The following NEK9 variants were observed in gnomAD, a reference collection of about 807,000 sequenced individuals.
The protein encoded by NEK9 is NIMA related kinase 9.
A neutral mutation model predicts 123.4 loss-of-function variants in NEK9; 75 were observed. That is an observed-to-expected ratio of 0.61 (90% CI 0.50 to 0.74). The LOEUF is 0.74. Among genes scored for constraint, NEK9 ranks in the 30% least tolerant of loss-of-function variants. NEK9 has a pLI of 0.00. For missense variants in NEK9, 952 were observed against 1,214.4 expected (o/e 0.78, Z 3.21); for synonymous variants, 438 against 458.7 (o/e 0.95, Z 0.58).
intron 16 of NEK9, 36 bp downstream of exon 16, chr14:75,100,956 T>C (rs1594833208): frequency 6.3e-7 from 1 of 1,588,178 alleles, no homozygotes; most frequent in Non-Finnish European, 8.6e-7. Flanking sequence ...CACAGCCATG[T>C]GTCCAGAAAG....
chr14:75,095,301 A>C lies in NEK9; in HGVS notation c.2233+71T>G. On this transcript the variant is annotated intron_variant, in intron 18 of 21. Transcript: ENST00000238616. ...TTTCCCATTTTCCTTTGGGTTTTGGAGTCTACATGGAATCTAACCAAAAGA... is the reference window on the plus strand; with the variant it reads ...TTTCCCATTTTCCTTTGGGTTTTGGCGTCTACATGGAATCTAACCAAAAGA... 4.0e-6 allele frequency: 4 copies of C among 1,005,852 alleles called. No individual in the cohort carries two copies. In the South Asian group the frequency reaches 5.9e-5, roughly 15 times the overall value. The allele number at this position is 1,005,852 out of a possible 1,614,324, so 62.3% of individuals were successfully genotyped here.
chr14:75,096,073 G>A (rs112094379), intron 17 of NEK9, among the ~76,000 whole-genome samples: 2,693 of 151,868 alleles, frequency 0.018, 86 homozygotes, highest in African/African-American at 0.063. Context: ...CATGAGGTCA[G>A]GAGTTCAAGA....
chr14:75,083,402 A>T lies in NEK9; in HGVS notation c.*1162T>A, dbSNP rs2139702254. 3.9e-6 allele frequency: 1 copy of T among 255,534 alleles called. No individual in the cohort carries two copies. The highest frequency in any genetic ancestry group is 7.0e-5 in the East Asian group (1 of 14,226). The allele number at this position is 255,534 out of a possible 1,614,324, so 15.8% of individuals were successfully genotyped here. On this transcript the variant is annotated 3_prime_UTR_variant, in exon 22 of 22. Transcript: ENST00000238616. Reference sequence around the variant, plus strand: ...CACAGTGAGTACAGGATTAGAAGTGAGCTCTCAGCCAAATTCCTTTTGCAA... The same window carrying T: ...CACAGTGAGTACAGGATTAGAAGTGTGCTCTCAGCCAAATTCCTTTTGCAA...
In NEK9 at chr14:75,084,535, T is replaced by C; in HGVS notation, c.*29A>G. On this transcript the variant is annotated 3_prime_UTR_variant, in exon 22 of 22. Coordinates refer to ENST00000238616, the MANE Select transcript of NEK9 (RefSeq NM_033116.6). ...TGCTGTGAAGTTCTTTGGGTCCCAGTCTCCTGGGGGCTCTACAGGCTCAGG... is the reference window on the plus strand; with the variant it reads ...TGCTGTGAAGTTCTTTGGGTCCCAGCCTCCTGGGGGCTCTACAGGCTCAGG... 1 of 1,612,272 alleles carries C rather than the reference T, an allele frequency of 6.2e-7. No individual in the cohort carries two copies.
chr14:75,110,861 CCTTT>C (rs1334028099), intron 8 of NEK9, among the ~76,000 whole-genome samples: 1 of 152,072 alleles, frequency 6.6e-6, no homozygotes, highest in Non-Finnish European at 1.5e-5. Context: ...CATCTCTCTC[CCTTT>C]CTTTAATATT....
At chr14:75,087,349 A>T in intron 20 of NEK9, 119 bp from the exon 21 acceptor site, 4 of 670,346 alleles carry the variant, frequency 6.0e-6, no homozygotes, top group African/African-American at 1.8e-5. Context: ...AATCATATAT[A>T]CACATGAATA....
chr14:75,125,077 T>C (rs1408207315), intron 1 of NEK9, among the ~76,000 whole-genome samples: 1 of 152,036 alleles, frequency 6.6e-6, no homozygotes, highest in Non-Finnish European at 1.5e-5. Context: ...CCTCGCCTCA[T>C]TCTTTGCTGA....
chr14:75,091,524 A>G lies in NEK9; in HGVS notation c.2234-46T>C, dbSNP rs573757864. 4.2e-6 allele frequency: 6 copies of G among 1,444,442 alleles called. No individual in the cohort carries two copies. In the South Asian group the frequency reaches 7.4e-5, roughly 18 times the overall value. 89.5% of individuals were successfully genotyped at this position (1,444,442 alleles called of 1,614,324 possible). ...AAATAGACAGCTTTGCTATGCAGCA[A>G]GACAGATTTACCATTTGACAACCCT... On this transcript the variant is annotated intron_variant, in intron 18 of 21. Coordinates refer to ENST00000238616, the MANE Select transcript of NEK9 (RefSeq NM_033116.6).
intron 15 of NEK9, among the ~76,000 whole-genome samples, chr14:75,101,421 G>A (rs2139752393): frequency 6.6e-6 from 1 of 152,320 alleles, no homozygotes; most frequent in East Asian, 1.9e-4. Context: ...TATAAAAGGT[G>A]CTAATCAGAG....
chr14:75,118,327 G>C (rs1200816639), intron 5 of NEK9, among the ~76,000 whole-genome samples: 1 of 152,174 alleles, frequency 6.6e-6, no homozygotes, highest in Non-Finnish European at 1.5e-5. Flanking sequence ...CTGTCCTAAA[G>C]ATCAACTTAT....
chr14:75,087,074 G>A lies in NEK9; in HGVS notation c.2761C>T (p.Leu921Phe). The change falls in exon 21 of 22, where the codon CTC (leucine) becomes TTC (phenylalanine). Residue 921 changes from leucine (L) to phenylalanine (F), a missense_variant. Leu to Phe is a conservative substitution (Grantham distance 22). Coordinates refer to ENST00000238616, the MANE Select transcript of NEK9 (RefSeq NM_033116.6). ...AEQQKLQQEN[L>F]QIFTQLQKLN... ...TTCTGCAGTTGGGTAAAAATCTGGA[G>A]GTTTTCTTGCTGTAGCTTCTGTTGT... 1.2e-6 allele frequency: 2 copies of A among 1,614,206 alleles called. No homozygotes were observed. Among genetic ancestry groups the A allele is most frequent in the South Asian group, 2.2e-5 (2 of 91,086 alleles).
At chr14:75,123,990 G>C (rs773993414) in intron 2 of NEK9, 56 bp downstream of exon 2, 12 of 1,380,996 alleles carry the variant, frequency 8.7e-6, no homozygotes, top group East Asian at 2.3e-5. Context: ...TCTCCTCAAC[G>C]TAATTATGAG....
At chr14:75,110,400 G>A in intron 8 of NEK9, 29 bp from the exon 9 acceptor site, 1 of 1,576,310 alleles carries the variant, frequency 6.3e-7, no homozygotes, top group Non-Finnish European at 8.7e-7. Flanking sequence ...AGATACATGA[G>A]TGAAATAATA....
chr14:75,102,319 G>C (rs911776985), intron 14 of NEK9, among the ~76,000 whole-genome samples: 2 of 152,066 alleles, frequency 1.3e-5, no homozygotes, highest in African/African-American at 4.8e-5. Flanking sequence ...TCAAGTAATA[G>C]TAATTCTGAA....
intron 18 of NEK9, among the ~76,000 whole-genome samples, chr14:75,093,668 G>A (rs1039892226): frequency 2.6e-5 from 4 of 151,962 alleles, no homozygotes; most frequent in South Asian, 4.1e-4. Flanking sequence ...TGTTGGCCAC[G>A]ATACTCTCAA....
Position 75,080,899 on chromosome 14 carries a change from T to A in NEK9, c.*3665A>T, listed in dbSNP as rs1386622322. ...TGCCCACCTCGGCCTCCCAAAGTGC[T>A]GGGATTACAGGCGTGAGCCACCGCG... is the stretch of plus-strand genomic sequence containing the variant. On this transcript the variant is annotated 3_prime_UTR_variant, in exon 22 of 22. Transcript: ENST00000238616. The A allele has an allele frequency of 6.6e-6, 1 of 151,934 alleles. No homozygotes were observed. Among genetic ancestry groups the A allele is most frequent in the Non-Finnish European group, 1.5e-5 (1 of 68,148 alleles). The allele number at this position is 151,934 out of a possible 1,614,324, so 9.4% of individuals were successfully genotyped here. A position where few individuals can be genotyped will look rare whatever the true frequency, so the allele number is the denominator to read the frequency against.
intron 4 of NEK9, among the ~76,000 whole-genome samples, chr14:75,119,870 A>G (rs1895266847): frequency 6.6e-6 from 1 of 152,248 alleles, no homozygotes; most frequent in African/African-American, 2.4e-5. Context: ...ACTTTTAAAA[A>G]GAAAATAACA....
At chr14:75,088,772 A>G (rs1894110380) in intron 19 of NEK9, 131 bp from the exon 20 acceptor site, 3 of 744,686 alleles carry the variant, frequency 4.0e-6, no homozygotes, top group Admixed American at 2.9e-5. Flanking sequence ...AGTTGTGGTT[A>G]ACAACATATC....
intron 2 of NEK9, among the ~76,000 whole-genome samples, chr14:75,122,897 C>T (rs1328526869): frequency 6.7e-6 from 1 of 149,428 alleles, no homozygotes; most frequent in Non-Finnish European, 1.5e-5. Flanking sequence ...CTCCCAGTCT[C>T]AAGCCATCCT....
Sources: gnomAD v4.1 joint callset for allele counts (sites outside exome capture counted in the v4.1 genomes callset) on GRCh38, gnomAD v4.1.1 for gene constraint, MANE v1.5 for transcripts, NCBI Gene and HGNC (gene_info 2026-07-23, HGNC 2026-07-21) for gene names.